TMEM182: variants seen among roughly 807,000 people sequenced by gnomAD.
The protein encoded by TMEM182 is transmembrane protein 182.
In TMEM182, 20 loss-of-function variants were observed where a neutral mutation model predicts 26.8. The ratio of observed to expected loss-of-function variants is 0.75; its 90% confidence interval spans 0.53 to 1.09. TMEM182 has a LOEUF of 1.09. Among genes scored for constraint, TMEM182 ranks in the 50% least tolerant of loss-of-function variants. TMEM182 has a pLI of 0.00. For missense variants in TMEM182, 277 were observed against 275.5 expected, an observed-to-expected ratio of 1.01 and a Z score of -0.04; for synonymous variants, 109 against 102.2, an observed-to-expected ratio of 1.07 and a Z score of -0.40.
intron 3 of TMEM182, among the ~76,000 whole-genome samples, chr2:102,835,976 T>C (rs1313109699): frequency 6.6e-6 from 1 of 152,028 alleles, no homozygotes; most frequent in Non-Finnish European, 1.5e-5. Context: ...GAATGTTCTA[T>C]AGTTGGAATC....
intron 4 of TMEM182, among the ~76,000 whole-genome samples, chr2:102,802,984 C>G (rs1300386870): frequency 2.6e-5 from 4 of 152,198 alleles, no homozygotes; most frequent in Non-Finnish European, 5.9e-5. Flanking sequence ...CTGCAGAGCT[C>G]TGAACCTTGG....
chr2:102,807,401 C>A (rs971092194), intron 4 of TMEM182, among the ~76,000 whole-genome samples: 1 of 152,126 alleles, frequency 6.6e-6, no homozygotes, highest in Non-Finnish European at 1.5e-5. Flanking sequence ...AGAATGTGGA[C>A]GATTATGCAT....
chr2:102,804,076 G>A (rs1035047321), intron 4 of TMEM182, among the ~76,000 whole-genome samples: 1 of 152,212 alleles, frequency 6.6e-6, no homozygotes, highest in African/African-American at 2.4e-5. Context: ...CCTGGGAGGG[G>A]CTGGCCAAGG....
intron 3 of TMEM182, among the ~76,000 whole-genome samples, chr2:102,826,674 A>T (rs1683036975): frequency 6.6e-6 from 1 of 152,166 alleles, no homozygotes; most frequent in South Asian, 2.1e-4. Context: ...CACTGGATAC[A>T]GTTTCTTCAG....
At chr2:102,834,384 T>G in intron 3 of TMEM182, 1 of 985,202 alleles carries the variant, frequency 1.0e-6, no homozygotes. Context: ...TCTGATCTTC[T>G]CTTGGGATCC....
At chr2:102,797,097 CCTA>C (rs761997245) in intron 3 of TMEM182, among the ~76,000 whole-genome samples, 83 of 152,282 alleles carry the variant, frequency 5.5e-4, no homozygotes, top group Middle Eastern at 3.4e-3. Context: ...TATCACCAAA[CCTA>C]CTATTTCTTA....
At chr2:102,768,417 G>A (rs1680538922) in intron 3 of TMEM182, among the ~76,000 whole-genome samples, 1 of 152,012 alleles carries the variant, frequency 6.6e-6, no homozygotes, top group African/African-American at 2.4e-5. Context: ...GCCAGGCATG[G>A]TAGCCAAAGT....
At position 102,797,885 on chromosome 2, in the gene TMEM182, C is replaced by G. The variant is rs1245997725; in HGVS notation, c.354C>G (p.Val118=). The change falls in exon 4 of 5, where the codon GTC becomes GTG. Residue 118 remains valine (V), a synonymous_variant. Coordinates refer to ENST00000412401, the MANE Select transcript of TMEM182 (RefSeq NM_144632.5). ...SAVIYRGFWA[V]LMLLGVVAVV... ...CAGTTTACCGTGGTTTCTGGGCAGT[C>G]CTGATGCTCCTGGGGGTAGTTGCTG... The G allele has an allele frequency of 3.1e-6, 5 of 1,613,928 alleles. No homozygotes were observed. The highest frequency in any genetic ancestry group is 1.7e-5 in the Admixed American group (1 of 59,968).
chr2:102,786,715 A>G (rs942826919), intron 3 of TMEM182, among the ~76,000 whole-genome samples: 1 of 152,032 alleles, frequency 6.6e-6, no homozygotes, highest in Non-Finnish European at 1.5e-5. Context: ...TGAATATCTC[A>G]TTAACCTTGG....
chr2:102,767,762 A>G (rs1680510718), intron 3 of TMEM182, among the ~76,000 whole-genome samples: 2 of 152,232 alleles, frequency 1.3e-5, no homozygotes, highest in African/African-American at 4.8e-5. Context: ...TTATTTTTCC[A>G]AGTGGAAATG....
At chr2:102,838,951 C>T (rs543179643) in intron 3 of TMEM182, among the ~76,000 whole-genome samples, 7 of 152,300 alleles carry the variant, frequency 4.6e-5, no homozygotes, top group Non-Finnish European at 1.0e-4. Flanking sequence ...CAAGGTTGTA[C>T]AGAGTCCTGT....
At chr2:102,753,197 C>CG (rs1454527885) in intron 1 of TMEM182, among the ~76,000 whole-genome samples, 26 of 138,042 alleles carry the variant, frequency 1.9e-4, no homozygotes, top group Non-Finnish European at 3.2e-5. Context: ...TTAAGCTTCC[C>CG]CCCCCCACTG....
upstream of TMEM182, among the ~76,000 whole-genome samples, chr2:102,759,687 A>G (rs181159242): frequency 9.8e-5 from 15 of 152,346 alleles, no homozygotes; most frequent in African/African-American, 3.6e-4. Flanking sequence ...GCTATCCCAC[A>G]GTTCCAGAGG....
chr2:102,828,289 CCT>C (rs1411549966), intron 3 of TMEM182, among the ~76,000 whole-genome samples: 1 of 152,024 alleles, frequency 6.6e-6, no homozygotes, highest in Admixed American at 6.6e-5. Flanking sequence ...CGAGTTAACC[CCT>C]GTCAGAGCAA....
intron 3 of TMEM182, among the ~76,000 whole-genome samples, chr2:102,789,685 A>G (rs930592756): frequency 1.3e-5 from 2 of 152,126 alleles, no homozygotes; most frequent in African/African-American, 4.8e-5. Flanking sequence ...CATTCTCTGT[A>G]TACTTACAAC....
At chr2:102,841,233 G>C (rs942627915) in intron 3 of TMEM182, among the ~76,000 whole-genome samples, 2 of 152,132 alleles carry the variant, frequency 1.3e-5, no homozygotes. Flanking sequence ...CTGGGACTCC[G>C]GCCCAACTCC....
chr2:102,814,936 G>T lies in TMEM182; in HGVS notation c.658G>T (p.Val220Phe). The T allele has an allele frequency of 6.2e-7, 1 of 1,613,852 alleles. No individual in the cohort carries two copies. The highest frequency in any genetic ancestry group is 8.5e-7 in the Non-Finnish European group (1 of 1,179,936). ...TTTGCTAGCTGGATTACTATTTCTGGTTGTTGGATGGCATATTCAGATACA... is the reference window on the plus strand; with the variant it reads ...TTTGCTAGCTGGATTACTATTTCTGTTTGTTGGATGGCATATTCAGATACA... ...FSLLAGLLFLVVGWHIQIHH is the reference protein window; with the variant it reads ...FSLLAGLLFLFVGWHIQIHH Residue 220 changes from valine to phenylalanine, a missense_variant, in exon 5 of 5, where the codon GTT (valine) becomes TTT (phenylalanine). Coordinates refer to ENST00000412401, the MANE Select transcript of TMEM182 (RefSeq NM_144632.5).
chr2:102,815,357 G>T lies in TMEM182; in HGVS notation c.*389G>T. On this transcript the variant is annotated 3_prime_UTR_variant, in exon 5 of 5. Coordinates refer to ENST00000412401, the MANE Select transcript of TMEM182 (RefSeq NM_144632.5). ...CTGCTAATTAAAAAAAATCCTTGAAGAATAATTAAGAATGGGCAAGGTTGT... is the reference window on the plus strand; with the variant it reads ...CTGCTAATTAAAAAAAATCCTTGAATAATAATTAAGAATGGGCAAGGTTGT... The T allele has an allele frequency of 1.0e-6, 1 of 998,316 alleles. No individual in the cohort carries two copies. Among genetic ancestry groups the T allele is most frequent in the Non-Finnish European group, 1.2e-6 (1 of 838,664 alleles). 61.8% of individuals were successfully genotyped at this position (998,316 alleles called of 1,614,324 possible).
intron 4 of TMEM182, among the ~76,000 whole-genome samples, chr2:102,812,146 T>C (rs1047246583): frequency 1.3e-5 from 2 of 152,192 alleles, no homozygotes; most frequent in African/African-American, 2.4e-5. Context: ...TTATTTTAGC[T>C]TTCCTCCTTT....
Sources: allele counts gnomAD v4.1 joint callset (sites outside exome capture counted in the v4.1 genomes callset), GRCh38; gene constraint gnomAD v4.1.1; transcripts MANE v1.5; gene names NCBI Gene and HGNC (gene_info 2026-07-23, HGNC 2026-07-21).